Variants in PIK3R6 observed in about 807,000 individuals in gnomAD.
The protein encoded by PIK3R6 is phosphoinositide 3-kinase regulatory subunit 6.
A neutral mutation model predicts 84.9 loss-of-function variants in PIK3R6; 91 were observed. That is an observed-to-expected ratio of 1.07 (90% CI 0.90 to 1.28). The LOEUF (loss-of-function observed/expected upper bound fraction) is 1.28, where lower values mean the gene tolerates loss of function less well. Among genes scored for constraint, PIK3R6 ranks in the 50% most tolerant of loss-of-function variants. The pLI is 0.00. For synonymous variants in PIK3R6, 416 were observed against 411.4 expected (o/e 1.01, Z -0.13); for missense variants, 996 against 985.1 (o/e 1.01, Z -0.15).
At chr17:8,823,244 AGAG>A (rs2151213918) in intron 14 of PIK3R6, 140 bp downstream of exon 14, 1 of 799,706 alleles carries the variant, frequency 1.3e-6, no homozygotes, top group Admixed American at 2.5e-5. Flanking sequence ...TGATTCATTT[AGAG>A]ATGAAGAAGG....
At chr17:8,808,923 G>T (rs929673358) in intron 18 of PIK3R6, among the ~76,000 whole-genome samples, 25 of 152,300 alleles carry the variant, frequency 1.6e-4, no homozygotes, top group Admixed American at 1.1e-3. Context: ...AGAGTACAGG[G>T]CTTCAGCTCT....
intron 18 of PIK3R6, among the ~76,000 whole-genome samples, chr17:8,817,910 T>TG (rs199669058): frequency 0.017 from 2,407 of 140,256 alleles, 40 homozygotes; most frequent in African/African-American, 0.048. Context: ...GCAGAGTTGT[T>TG]TTTTTTTTTT....
Position 8,853,494 on chromosome 17 carries a change from A to T in PIK3R6, c.-91-3609T>A, listed in dbSNP as rs1023580131. On this transcript the variant is annotated intron_variant, in intron 1 of 19. Coordinates refer to ENST00000619866, the MANE Select transcript of PIK3R6 (RefSeq NM_001010855.4). Reference sequence around the variant, plus strand: ...AGCAAGACTCCATCTCAAAAAAAAAAAAAAATAATAATAATAATAATAAAA... The same window carrying T: ...AGCAAGACTCCATCTCAAAAAAAAATAAAAATAATAATAATAATAATAAAA... 4.2e-3 allele frequency among the ~76,000 whole-genome samples: 615 copies of T among 147,484 alleles called. 5 individuals carry two copies. The highest frequency in any genetic ancestry group is 0.013 in the African/African-American group (511 of 40,284).
At chr17:8,847,316 G>T (rs1040219630) in intron 2 of PIK3R6, among the ~76,000 whole-genome samples, 19 of 152,118 alleles carry the variant, frequency 1.2e-4, no homozygotes, top group African/African-American at 4.6e-4. Flanking sequence ...CAGTATAAAG[G>T]CTCAGATTGT....
At position 8,853,790 on chromosome 17, in the gene PIK3R6, T is replaced by C. The variant is rs540609578; in HGVS notation, c.-91-3905A>G. 2.6e-4 allele frequency among the ~76,000 whole-genome samples: 39 copies of C among 151,400 alleles called. 1 individual carries two copies. In the South Asian group the frequency reaches 6.9e-3, roughly 27 times the overall value. ...CATCCTGGCTAACATGATGAAACCC[T>C]GTCTCTACTAAAAATGGAAAAAATT... On this transcript the variant is annotated intron_variant, in intron 1 of 19. Coordinates refer to ENST00000619866, the MANE Select transcript of PIK3R6 (RefSeq NM_001010855.4).
At chr17:8,823,555 C>T in intron 13 of PIK3R6, 58 bp from the exon 14 acceptor site, 5 of 1,200,826 alleles carry the variant, frequency 4.2e-6, no homozygotes, top group Non-Finnish European at 4.9e-6. Context: ...GTGGGAGATG[C>T]CATTTTCTTC....
intron 18 of PIK3R6, among the ~76,000 whole-genome samples, chr17:8,816,240 A>G (rs1019659038): frequency 2.0e-5 from 3 of 152,220 alleles, no homozygotes; most frequent in Non-Finnish European, 4.4e-5. Context: ...AACCACAAGG[A>G]AGGAACAGCA....
chr17:8,803,889 T>C lies in PIK3R6; in HGVS notation c.2108+152A>G. 1 of 667,768 alleles carries C rather than the reference T, an allele frequency of 1.5e-6. No homozygotes were observed. Among genetic ancestry groups the C allele is most frequent in the Non-Finnish European group, 2.6e-6 (1 of 379,448 alleles). The allele number at this position is 667,768 out of a possible 1,614,324, so 41.4% of individuals were successfully genotyped here. Reference sequence around the variant, plus strand: ...GGATCCAAAGCATAGGGCAGTGGCCTCTGTCCATCCTCACCAAGGTTACCT... The same window carrying C: ...GGATCCAAAGCATAGGGCAGTGGCCCCTGTCCATCCTCACCAAGGTTACCT... On this transcript the variant is annotated intron_variant, in intron 19 of 19. Coordinates refer to ENST00000619866, the MANE Select transcript of PIK3R6 (RefSeq NM_001010855.4). This position sits in a 1 kb window ranked among gnomAD's most constrained non-coding sequence, Gnocchi z 5.0.
chr17:8,824,989 A>G, intron 13 of PIK3R6, among the ~76,000 whole-genome samples: 1 of 152,240 alleles, frequency 6.6e-6, no homozygotes, highest in East Asian at 1.9e-4. Flanking sequence ...TTTTTACCGC[A>G]GTTTTTAAAA....
At chr17:8,827,637 C>G (rs1330088462) in intron 12 of PIK3R6, among the ~76,000 whole-genome samples, 1 of 151,598 alleles carries the variant, frequency 6.6e-6, no homozygotes, top group East Asian at 1.9e-4. Flanking sequence ...GGCTCTGTCC[C>G]CACAACTAGA....
chr17:8,832,795 G>A (rs1380830604), intron 9 of PIK3R6, 94 bp downstream of exon 9: 11 of 1,568,690 alleles, frequency 7.0e-6, no homozygotes, highest in Non-Finnish European at 9.5e-6. Context: ...CCCAGACAGA[G>A]GCAGGTCCAG....
chr17:8,808,624 A>C (rs990112021), intron 18 of PIK3R6, among the ~76,000 whole-genome samples: 1 of 152,236 alleles, frequency 6.6e-6, no homozygotes, highest in African/African-American at 2.4e-5. Flanking sequence ...CATCCAGATC[A>C]TGCTAACTTA....
chr17:8,803,022 A>T lies in PIK3R6; in HGVS notation c.*251T>A. On this transcript the variant is annotated 3_prime_UTR_variant, in exon 20 of 20. Coordinates refer to ENST00000619866, the MANE Select transcript of PIK3R6 (RefSeq NM_001010855.4). This position sits in a 1 kb window ranked among gnomAD's most constrained non-coding sequence, Gnocchi z 5.0. Reference sequence around the variant, plus strand: ...GCTAAATGAAGGAGTAGACATTTGTATGAGAAGCTGGGCTTGGTGTGTATG... The same window carrying T: ...GCTAAATGAAGGAGTAGACATTTGTTTGAGAAGCTGGGCTTGGTGTGTATG... 2.0e-6 allele frequency: 1 copy of T among 496,384 alleles called. No homozygotes were observed. 30.7% of individuals were successfully genotyped at this position (496,384 alleles called of 1,614,324 possible). A position where few individuals can be genotyped will look rare whatever the true frequency, so the allele number is the denominator to read the frequency against.
At chr17:8,864,382 T>G (rs1262620213) in intron 1 of PIK3R6, among the ~76,000 whole-genome samples, 1 of 152,066 alleles carries the variant, frequency 6.6e-6, no homozygotes, top group Non-Finnish European at 1.5e-5. Flanking sequence ...CTAGTTGTGC[T>G]GTGAGTAATA....
intron 9 of PIK3R6, among the ~76,000 whole-genome samples, chr17:8,830,110 C>T (rs56381037): frequency 2.8e-4 from 42 of 152,346 alleles, no homozygotes; most frequent in Non-Finnish European, 5.7e-4. Context: ...CAGCCCTGTG[C>T]AGCTGCCAGA....
rs749242981 is a variant in PIK3R6 at position 8,849,810 on chromosome 17, TAGG to T, written c.-19_-17del. The T allele has an allele frequency of 3.7e-6, 6 of 1,610,892 alleles. No individual in the cohort carries two copies. Among genetic ancestry groups the T allele is most frequent in the South Asian group, 2.2e-5 (2 of 90,302 alleles). On this transcript the variant is annotated 5_prime_UTR_variant, in exon 2 of 20. Transcript: ENST00000619866. Reference sequence around the variant, plus strand: ...AGCTCTCCATGGGAGCCTTTGGGTGTAGGAGGAGGAGGATGTGGTTGTCTCGGG... The same window carrying T: ...AGCTCTCCATGGGAGCCTTTGGGTGTAGGAGGAGGATGTGGTTGTCTCGGG...
chr17:8,859,428 C>T (rs745509184), intron 1 of PIK3R6, among the ~76,000 whole-genome samples: 29 of 152,194 alleles, frequency 1.9e-4, no homozygotes, highest in Admixed American at 3.3e-4. Flanking sequence ...ACTGTCTCAC[C>T]GCCCCATGCA....
chr17:8,829,047 T>C, intron 10 of PIK3R6, 57 bp from the exon 11 acceptor site: 4 of 1,446,914 alleles, frequency 2.8e-6, no homozygotes, highest in Non-Finnish European at 9.2e-7. Context: ...GCTACGTTTC[T>C]GATTTCAGCC....
chr17:8,859,023 G>A (rs2089209440), intron 1 of PIK3R6, among the ~76,000 whole-genome samples: 1 of 108 alleles, frequency 9.3e-3, no homozygotes, highest in African/African-American at 0.071. Flanking sequence ...GCTGAAGGCT[G>A]GGAAGCCGGA....
Sources: allele counts gnomAD v4.1 joint callset (sites outside exome capture counted in the v4.1 genomes callset), GRCh38; gene constraint gnomAD v4.1.1; non-coding constraint Gnocchi (gnomAD v3.1); transcripts MANE v1.5; gene names NCBI Gene and HGNC (gene_info 2026-07-23, HGNC 2026-07-21).